The following CPA6 variants were observed in gnomAD, a reference collection of about 807,000 sequenced individuals.
CPA6 encodes carboxypeptidase B.
In CPA6, 58 loss-of-function variants were observed where a neutral mutation model predicts 63.3. The observed-to-expected ratio is 0.92, with a 90% CI of 0.74 to 1.14. The LOEUF (loss-of-function observed/expected upper bound fraction) is 1.14. Among genes scored for constraint, CPA6 ranks in the 50% most tolerant of loss-of-function variants. CPA6 has a pLI of 0.00. For synonymous variants in CPA6, 185 were observed against 179.0 expected, an observed-to-expected ratio of 1.03 and a Z score of -0.27; for missense variants, 565 against 526.6, an observed-to-expected ratio of 1.07 and a Z score of -0.71.
intron 2 of CPA6, among the ~76,000 whole-genome samples, chr8:67,546,417 G>T (rs1812819886): frequency 6.6e-6 from 1 of 152,176 alleles, no homozygotes; most frequent in Non-Finnish European, 1.5e-5. Context: ...CCTCAAGGTT[G>T]GTTCAAATGT....
chr8:67,705,678 A>G (rs991608905), intron 1 of CPA6, among the ~76,000 whole-genome samples: 1 of 152,194 alleles, frequency 6.6e-6, no homozygotes, highest in Non-Finnish European at 1.5e-5. Context: ...TCTCCTGGGA[A>G]AGCTACCTAA....
intron 8 of CPA6, among the ~76,000 whole-genome samples, chr8:67,469,954 C>T (rs1229190204): frequency 6.6e-6 from 1 of 152,102 alleles, no homozygotes; most frequent in Admixed American, 6.5e-5. Context: ...TTCCCAAGTA[C>T]CTAGCTCACA....
At chr8:67,584,682 A>C (rs1813877591) in intron 2 of CPA6, among the ~76,000 whole-genome samples, 1 of 152,164 alleles carries the variant, frequency 6.6e-6, no homozygotes, top group Non-Finnish European at 1.5e-5. Flanking sequence ...AGTAGGGCTG[A>C]GAATGGGGTT....
rs557705575 is a variant in CPA6, at chr8:67,540,046, T to C, written c.193-21999A>G. On this transcript the variant is annotated intron_variant, in intron 2 of 10. Transcript: ENST00000297770. ...CCATCCAGTTTTGTTCCCTTGCTGG[T>C]GAGGAGTTGTGATTCTTTGGAGGAG... Among the ~76,000 whole-genome samples the C allele has an allele frequency of 7.6e-4, 115 of 152,258 alleles. 1 individual carries two copies. Among genetic ancestry groups the C allele is most frequent in the Non-Finnish European group, 1.5e-3 (104 of 68,008 alleles).
intron 7 of CPA6, 135 bp from the exon 8 acceptor site, chr8:67,483,993 T>C: frequency 1.4e-6 from 1 of 714,548 alleles, no homozygotes. Flanking sequence ...GCCCAGGGAG[T>C]GAAAAAGAGC....
chr8:67,581,213 A>G (rs1394216402), intron 2 of CPA6, among the ~76,000 whole-genome samples: 1 of 152,194 alleles, frequency 6.6e-6, no homozygotes, highest in African/African-American at 2.4e-5. Flanking sequence ...ATGACAGTGG[A>G]TGTGCGACAG....
intron 2 of CPA6, among the ~76,000 whole-genome samples, chr8:67,578,099 T>G (rs1429536872): frequency 1.3e-5 from 2 of 152,230 alleles, no homozygotes; most frequent in African/African-American, 4.8e-5. Context: ...ATAAAAAATT[T>G]TTTAGTTTGA....
In CPA6 at chr8:67,606,917, C is replaced by T. The variant is rs564010749; in HGVS notation, c.192+17259G>A. The stretch of plus-strand genomic sequence containing the variant: ...TCCTGATAGTTGTATAATGCTCTAT[C>T]TTGCAAAATTTTATTTTATTTTATA... On this transcript the variant is annotated intron_variant, in intron 2 of 10. Transcript: ENST00000297770. Among the ~76,000 whole-genome samples, 4 of 152,276 alleles carry T rather than the reference C, an allele frequency of 2.6e-5. No homozygotes were observed. In the South Asian group the frequency reaches 8.3e-4, roughly 32 times the overall value.
At chr8:67,682,555 C>T (rs901211937) in intron 1 of CPA6, among the ~76,000 whole-genome samples, 1 of 152,160 alleles carries the variant, frequency 6.6e-6, no homozygotes, top group Admixed American at 6.5e-5. Flanking sequence ...TATTTTCCTG[C>T]GCTTTTGCAT....
At chr8:67,701,091 A>G (rs1331184193) in intron 1 of CPA6, among the ~76,000 whole-genome samples, 1 of 152,186 alleles carries the variant, frequency 6.6e-6, no homozygotes, top group Non-Finnish European at 1.5e-5. Flanking sequence ...CAGAGAAAAC[A>G]TGGTATAGTG....
At chr8:67,550,198 T>C (rs1812910309) in intron 2 of CPA6, among the ~76,000 whole-genome samples, 1 of 152,118 alleles carries the variant, frequency 6.6e-6, no homozygotes, top group Admixed American at 6.5e-5. Flanking sequence ...CCCCTCCCTT[T>C]CTCCCCTTTT....
intron 1 of CPA6, among the ~76,000 whole-genome samples, chr8:67,636,984 T>A (rs1422812429): frequency 6.6e-6 from 1 of 151,650 alleles, no homozygotes; most frequent in South Asian, 2.1e-4. Context: ...TCTTTGGTTA[T>A]GGTTTATAGT....
intron 1 of CPA6, among the ~76,000 whole-genome samples, chr8:67,673,385 T>TTATTATTATTATTTA (rs1251575325): frequency 3.0e-5 from 4 of 133,248 alleles, no homozygotes; most frequent in African/African-American, 1.3e-4. Context: ...TTATTATTTA[T>TTATTATTATTATTTA]TTATTTTTTT....
intron 2 of CPA6, among the ~76,000 whole-genome samples, chr8:67,531,012 A>G (rs1812466959): frequency 6.6e-6 from 1 of 152,208 alleles, no homozygotes; most frequent in Non-Finnish European, 1.5e-5. Context: ...TAACAGATTC[A>G]ACACATAGCA....
intron 2 of CPA6, among the ~76,000 whole-genome samples, chr8:67,534,130 A>G (rs1268412114): frequency 1.3e-5 from 2 of 152,264 alleles, no homozygotes; most frequent in Non-Finnish European, 2.9e-5. Flanking sequence ...AAAGCTGCCA[A>G]TGACATCATG....
At chr8:67,530,127 A>T (rs993988686) in intron 2 of CPA6, among the ~76,000 whole-genome samples, 1 of 152,298 alleles carries the variant, frequency 6.6e-6, no homozygotes, top group African/African-American at 2.4e-5. Flanking sequence ...TAGAAAATTT[A>T]AAAGAGCAGA....
At chr8:67,475,875 CTTTCTCCTTTCTTTCTTTCTTTCTTT>C (rs1811204397) in intron 8 of CPA6, among the ~76,000 whole-genome samples, 7 of 72,586 alleles carry the variant, frequency 9.6e-5, no homozygotes, top group South Asian at 5.2e-4. Context: ...TTCTTTCTTT[CTTTCTCCTTTCTTTCTTTCTTTCTTT>C]CTTTCTTTCT....
At chr8:67,435,572 T>C (rs1438401634) in intron 8 of CPA6, among the ~76,000 whole-genome samples, 1 of 151,724 alleles carries the variant, frequency 6.6e-6, no homozygotes, top group African/African-American at 2.4e-5. Context: ...GACTTAGGAG[T>C]GCCGAGGGTG....
intron 2 of CPA6, among the ~76,000 whole-genome samples, chr8:67,610,016 C>T (rs987387654): frequency 8.5e-5 from 12 of 140,552 alleles, no homozygotes; most frequent in East Asian, 2.1e-4. Flanking sequence ...AGCGAGACTC[C>T]GTCTCAACAA....
Sources: gnomAD v4.1 joint callset for allele counts (sites outside exome capture counted in the v4.1 genomes callset) on GRCh38, gnomAD v4.1.1 for gene constraint, MANE v1.5 for transcripts, NCBI Gene and HGNC (gene_info 2026-07-23, HGNC 2026-07-21) for gene names.